Variants in LRTM1 observed in about 807,000 individuals in gnomAD.
LRTM1 encodes the protein leucine rich repeat transmembrane protein 1, also known as leucine-rich repeat and transmembrane domain-containing protein 1.
Under a neutral mutation model 32.4 loss-of-function variants are expected in LRTM1, and 38 were observed. The observed-to-expected ratio is 1.17, with a 90% CI of 0.91 to 1.54. The LOEUF (loss-of-function observed/expected upper bound fraction) is 1.54, where lower values mean the gene tolerates loss of function less well. Among genes scored for constraint, LRTM1 ranks in the 40% most tolerant of loss-of-function variants. The pLI, the probability that LRTM1 is intolerant of heterozygous loss-of-function variation, is 0.00. For synonymous variants in LRTM1, 186 were observed against 169.9 expected (o/e 1.09, Z -0.74); for missense variants, 466 against 415.4 (o/e 1.12, Z -1.06).
intron 2 of LRTM1, among the ~76,000 whole-genome samples, chr3:54,919,428 G>A (rs562694336): frequency 6.0e-4 from 91 of 152,214 alleles, no homozygotes; most frequent in Non-Finnish European, 1.1e-3. Context: ...AGTGATCTGT[G>A]GATTTGACAA....
intron 1 of LRTM1, among the ~76,000 whole-genome samples, chr3:54,941,320 A>G (rs933416021): frequency 6.6e-6 from 1 of 152,230 alleles, no homozygotes; most frequent in Non-Finnish European, 1.5e-5. Flanking sequence ...ATAATCTAAT[A>G]TGACTGAATT....
chr3:54,924,971 A>G lies in LRTM1; in HGVS notation c.252T>C (p.Asn84=), dbSNP rs1239923157. ...CTCCAGGGGCCAGATTTGAAAGGGAATTGTTGGACAAGTTTAAGGTCATGA... is the reference window on the plus strand; with the variant it reads ...CTCCAGGGGCCAGATTTGAAAGGGAGTTGTTGGACAAGTTTAAGGTCATGA... ...PWLMTLNLSN[N]SLSNLAPGAF... The change falls in exon 2 of 3, where the codon AAT becomes AAC. Residue 84 remains asparagine, a synonymous_variant. Coordinates refer to ENST00000273286, the MANE Select transcript of LRTM1 (RefSeq NM_020678.4). 6.2e-7 allele frequency: 1 copy of G among 1,611,462 alleles called. No individual in the cohort carries two copies.
Position 54,918,500 on chromosome 3 carries a change from T to C in LRTM1, c.997A>G (p.Lys333Glu). 6.2e-7 allele frequency: 1 copy of C among 1,613,994 alleles called. No individual in the cohort carries two copies. Among genetic ancestry groups the C allele is most frequent in the Non-Finnish European group, 8.5e-7 (1 of 1,179,982 alleles). Residue 333 changes from lysine to glutamate, a missense_variant, in exon 3 of 3, where the codon AAG becomes GAG. By Grantham distance (56) the Lys-to-Glu change is moderately conservative. Coordinates refer to ENST00000273286, the MANE Select transcript of LRTM1 (RefSeq NM_020678.4). ...TCAAATCGCTCTTTTTCTTCCACCT[T>C]CCCAGGATCATTGGTTTGAGCCAAG... ...GPLAQTNDPG[K>E]VEEKERFDSS...
Position 54,918,395 on chromosome 3 carries a change from A to G in LRTM1, c.*64T>C. The G allele has an allele frequency of 2.1e-6, 3 of 1,406,970 alleles. No individual in the cohort carries two copies. The highest frequency in any genetic ancestry group is 1.3e-5 in the South Asian group (1 of 77,488). 87.2% of individuals were successfully genotyped at this position (1,406,970 alleles called of 1,614,324 possible). ...GCAAAATCAGACTAACAGGAAACACATCAGCCCTACTCAGACACTATCTTC... is the reference window on the plus strand; with the variant it reads ...GCAAAATCAGACTAACAGGAAACACGTCAGCCCTACTCAGACACTATCTTC... On this transcript the variant is annotated 3_prime_UTR_variant, in exon 3 of 3. Transcript: ENST00000273286.
rs957023211 is a variant in LRTM1 at position 54,944,701 on chromosome 3, G to A, written c.-221-19486C>T. On this transcript the variant is annotated intron_variant, in intron 1 of 2. Coordinates refer to the LRTM1 transcript ENST00000493075. ...CTCCCAAAGTGCTGGGATTACAGGC[G>A]TGAGCCACCGCGCCCAGCCTCCAAG... 4.6e-5 allele frequency among the ~76,000 whole-genome samples: 7 copies of A among 151,882 alleles called. No homozygotes were observed. The East Asian group carries it at 7.8e-4, about 17-fold the overall frequency.
At chr3:54,954,630 A>C (rs972401273) in intron 1 of LRTM1, among the ~76,000 whole-genome samples, 9 of 152,180 alleles carry the variant, frequency 5.9e-5, no homozygotes, top group African/African-American at 2.2e-4. Context: ...TGGAGAAGAC[A>C]GGGTGCAGAG....
chr3:54,948,530 A>T (rs868762494), intron 1 of LRTM1, among the ~76,000 whole-genome samples: 2 of 151,290 alleles, frequency 1.3e-5, no homozygotes, highest in Non-Finnish European at 2.9e-5. Context: ...TTTCACCATG[A>T]GCACCTCTGC....
At position 54,918,678 on chromosome 3, in the gene LRTM1, G is replaced by C. The variant is rs1327386917; in HGVS notation, c.819C>G (p.Leu273=). 1.2e-6 allele frequency: 2 copies of C among 1,614,144 alleles called. No homozygotes were observed. Among genetic ancestry groups the C allele is most frequent in the Non-Finnish European group, 1.7e-6 (2 of 1,180,028 alleles). The change falls in exon 3 of 3, where the codon CTC becomes CTG. Residue 273 remains leucine (L), a synonymous_variant. Coordinates refer to ENST00000273286, the MANE Select transcript of LRTM1 (RefSeq NM_020678.4). ...AGERELLECE[L]KPKPRPANLR... is the part of the protein sequence containing the mutation. ...GGTTGGCCGGCCTTGGCTTGGGTTT[G>C]AGCTCGCACTCCAAGAGTTCTCGCT...
At chr3:54,957,007 T>A (rs1701914377) in intron 1 of LRTM1, among the ~76,000 whole-genome samples, 1 of 152,210 alleles carries the variant, frequency 6.6e-6, no homozygotes. Flanking sequence ...ATATCAAGTT[T>A]GCAGGATGTT....
At position 54,918,379 on chromosome 3, in the gene LRTM1, G is replaced by T; in HGVS notation, c.*80C>A. The T allele has an allele frequency of 5.9e-6, 3 of 508,444 alleles. No homozygotes were observed. The highest frequency in any genetic ancestry group is 4.3e-5 in the South Asian group (1 of 23,294). 31.5% of individuals were successfully genotyped at this position (508,444 alleles called of 1,614,324 possible). A position where few individuals can be genotyped will look rare whatever the true frequency, so the allele number is the denominator to read the frequency against. ...TTGTCTTTTGGCAAAAGCAAAATCA[G>T]ACTAACAGGAAACACATCAGCCCTA... On this transcript the variant is annotated 3_prime_UTR_variant, in exon 3 of 3. Transcript: ENST00000273286.
intron 1 of LRTM1, among the ~76,000 whole-genome samples, chr3:54,940,662 A>G (rs943455404): frequency 2.0e-5 from 3 of 151,890 alleles, no homozygotes; most frequent in Non-Finnish European, 2.9e-5. Context: ...GAATGCCTAA[A>G]AGGACCAAAA....
At chr3:54,921,841 A>G (rs922614641) in intron 2 of LRTM1, among the ~76,000 whole-genome samples, 12 of 152,324 alleles carry the variant, frequency 7.9e-5, no homozygotes, top group Admixed American at 7.2e-4. Context: ...ATATATAACT[A>G]AAGTCTGGGC....
At chr3:54,965,035 A>G (rs1026672975) in intron 1 of LRTM1, among the ~76,000 whole-genome samples, 1 of 152,174 alleles carries the variant, frequency 6.6e-6, no homozygotes, top group Admixed American at 6.5e-5. Flanking sequence ...CTTCAATGGC[A>G]CCAACGGCAG....
intron 1 of LRTM1, among the ~76,000 whole-genome samples, chr3:54,949,442 A>G (rs1207724371): frequency 1.3e-5 from 2 of 152,212 alleles, no homozygotes; most frequent in Non-Finnish European, 2.9e-5. Flanking sequence ...TGAGCCATCT[A>G]TGAATCACAT....
intron 1 of LRTM1, among the ~76,000 whole-genome samples, chr3:54,942,626 C>A (rs563220490): frequency 6.6e-6 from 1 of 151,960 alleles, no homozygotes; most frequent in South Asian, 2.1e-4. Context: ...TACTGGTTCA[C>A]GCCTGTAATT....
At chr3:54,954,221 C>T (rs111776244) in intron 1 of LRTM1, among the ~76,000 whole-genome samples, 14 of 152,302 alleles carry the variant, frequency 9.2e-5, no homozygotes, top group Non-Finnish European at 7.3e-5. Flanking sequence ...GCTATGGCCT[C>T]CTCATTCCAA....
chr3:54,926,326 A>T (rs1559632705), intron 1 of LRTM1, among the ~76,000 whole-genome samples: 1 of 152,192 alleles, frequency 6.6e-6, no homozygotes, highest in Non-Finnish European at 1.5e-5. Context: ...GAAGCTAGGC[A>T]CAGAAAAGCT....
At chr3:54,927,146 T>C (rs1264269015) in intron 1 of LRTM1, among the ~76,000 whole-genome samples, 1 of 152,204 alleles carries the variant, frequency 6.6e-6, no homozygotes, top group Admixed American at 6.5e-5. Context: ...TTGCTTGTTT[T>C]GGGCCTTAAC....
chr3:54,942,996 C>T (rs1257957609), intron 1 of LRTM1, among the ~76,000 whole-genome samples: 1 of 152,014 alleles, frequency 6.6e-6, no homozygotes, highest in Non-Finnish European at 1.5e-5. Context: ...TGCACTCCAG[C>T]CTGGGCGACA....
Sources: allele counts gnomAD v4.1 joint callset (sites outside exome capture counted in the v4.1 genomes callset), GRCh38; gene constraint gnomAD v4.1.1; transcripts MANE v1.5; gene names NCBI Gene and HGNC (gene_info 2026-07-23, HGNC 2026-07-21).